The following UGT1A7 variants were observed in gnomAD, a reference collection of about 807,000 sequenced individuals.
UGT1A7 encodes the protein UDP glucuronosyltransferase family 1 member A7, also known as UDP-glucuronosyltransferase 1A7.
Under a neutral mutation model 45.6 loss-of-function variants are expected in UGT1A7, and 33 were observed. The observed-to-expected ratio is 0.72, with a 90% confidence interval of 0.55 to 0.97. The LOEUF (loss-of-function observed/expected upper bound fraction) is 0.97. Ranked by LOEUF, UGT1A7 falls within the 50% of genes least tolerant of loss-of-function variation. The probability of loss-of-function intolerance (pLI) is 0.00; values close to 1 mark genes in which losing one functional copy is unlikely to be tolerated. For missense variants in UGT1A7, 684 were observed against 666.2 expected, an observed-to-expected ratio of 1.03 and a Z score of -0.29; for synonymous variants, 274 against 250.6, an observed-to-expected ratio of 1.09 and a Z score of -0.88.
intron 1 of UGT1A7, among the ~76,000 whole-genome samples, chr2:233,694,315 T>C (rs74562873): frequency 6.6e-6 from 1 of 151,936 alleles, no homozygotes; most frequent in Non-Finnish European, 1.5e-5. Flanking sequence ...TTTTTTTTTT[T>C]CCTTTTATGT....
Position 233,769,484 on chromosome 2 carries a change from T to C in UGT1A7, c.1295+1045T>C, listed in dbSNP as rs774504306. 6.2e-6 allele frequency: 10 copies of C among 1,612,518 alleles called. No homozygotes were observed. The South Asian group carries it at 9.9e-5, about 16-fold the overall frequency. Reference sequence around the variant, plus strand: ...ATATGCGTGTGTGTGTGTGTGCGTGTGTTTATGAGAGTGTCCATTGCTTTC... The same window carrying C: ...ATATGCGTGTGTGTGTGTGTGCGTGCGTTTATGAGAGTGTCCATTGCTTTC... On this transcript the variant is annotated intron_variant, in intron 4 of 4. Coordinates refer to ENST00000373426, the MANE Select transcript of UGT1A7 (RefSeq NM_019077.3). This position sits in a 1 kb window ranked among gnomAD's most constrained non-coding sequence, Gnocchi z 4.4.
Position 233,772,634 on chromosome 2 carries a change from T to C in UGT1A7, c.*75T>C. On this transcript the variant is annotated 3_prime_UTR_variant, in exon 5 of 5. Transcript: ENST00000373426. ...CCAAACTTGAAAACAGAATCAGTGT[T>C]AAATTCATTTTATTCTTATTAAGGA... The C allele has an allele frequency of 6.4e-7, 1 of 1,555,940 alleles. No individual in the cohort carries two copies. The highest frequency in any genetic ancestry group is 2.4e-5 in the East Asian group (1 of 41,342).
chr2:233,726,396 T>C (rs1359821142), intron 1 of UGT1A7, among the ~76,000 whole-genome samples: 1 of 152,226 alleles, frequency 6.6e-6, no homozygotes, highest in Admixed American at 6.5e-5. Context: ...TCTCATAGTC[T>C]TTTGATGTCA....
intron 1 of UGT1A7, among the ~76,000 whole-genome samples, chr2:233,688,124 A>G (rs2074878809): frequency 6.6e-6 from 1 of 151,968 alleles, no homozygotes. Flanking sequence ...CTCAGCACTA[A>G]TTTACTTTCT....
At chr2:233,714,903 G>C (rs139111844) in intron 1 of UGT1A7, among the ~76,000 whole-genome samples, 10 of 136,076 alleles carry the variant, frequency 7.3e-5, no homozygotes, top group African/African-American at 2.4e-4. Context: ...TTGAGATGGA[G>C]TCTTGCTCTG....
At chr2:233,704,682 G>A (rs966560618) in intron 1 of UGT1A7, among the ~76,000 whole-genome samples, 2 of 152,060 alleles carry the variant, frequency 1.3e-5, no homozygotes, top group Non-Finnish European at 2.9e-5. Flanking sequence ...ATGGATCTGA[G>A]TTACCTTATG....
intron 1 of UGT1A7, chr2:233,693,450 C>G (rs767791458): frequency 1.2e-6 from 2 of 1,614,122 alleles, no homozygotes; most frequent in Non-Finnish European, 1.7e-6. Flanking sequence ...GCTCTTTTCA[C>G]AGACCCAGCC....
At position 233,768,294 on chromosome 2, in the gene UGT1A7, C is replaced by T. The variant is rs901936528; in HGVS notation, c.1150C>T (p.Pro384Ser). The T allele has an allele frequency of 2.5e-6, 4 of 1,614,146 alleles. No individual in the cohort carries two copies. Among genetic ancestry groups the T allele is most frequent in the Non-Finnish European group, 3.4e-6 (4 of 1,180,048 alleles). The change falls in exon 4 of 5, where the codon CCC becomes TCC. Residue 384 changes from proline to serine, a missense_variant. Physicochemically the swap from Pro to Ser is moderately conservative, Grantham distance 74. Transcript: ENST00000373426. ...TTATGAAAGCATATGCAATGGCGTTCCCATGGTGATGATGCCCTTGTTTGG... is the reference window on the plus strand; with the variant it reads ...TTATGAAAGCATATGCAATGGCGTTTCCATGGTGATGATGCCCTTGTTTGG... ...GVYESICNGV[P>S]MVMMPLFGDQ...
intron 1 of UGT1A7, among the ~76,000 whole-genome samples, chr2:233,706,095 A>T (rs2075888829): frequency 1.7e-5 from 2 of 120,396 alleles, no homozygotes; most frequent in Non-Finnish European, 3.6e-5. Context: ...ATTCTGTCTT[A>T]AAAAAAAACC....
intron 1 of UGT1A7, chr2:233,753,221 C>G (rs1559397626): frequency 6.6e-6 from 1 of 152,156 alleles, no homozygotes; most frequent in East Asian, 1.9e-4. Context: ...TATTTTGATA[C>G]TTCTTGTATA....
chr2:233,731,735 C>T (rs574748193), intron 1 of UGT1A7, among the ~76,000 whole-genome samples: 1 of 152,288 alleles, frequency 6.6e-6, no homozygotes, highest in East Asian at 1.9e-4. Flanking sequence ...AATAGTGCCA[C>T]AATAAACATA....
chr2:233,750,785 G>A (rs1694560373), intron 1 of UGT1A7: 1 of 151,946 alleles, frequency 6.6e-6, no homozygotes. Context: ...TGGGTACACA[G>A]AAGATAAGAA....
chr2:233,725,694 T>C (rs903551237), intron 1 of UGT1A7, among the ~76,000 whole-genome samples: 1 of 152,238 alleles, frequency 6.6e-6, no homozygotes, highest in African/African-American at 2.4e-5. Context: ...TCAATAGTCA[T>C]ATGTAGTTAG....
intron 1 of UGT1A7, among the ~76,000 whole-genome samples, chr2:233,757,812 T>C (rs772268398): frequency 4.0e-5 from 6 of 151,794 alleles, no homozygotes; most frequent in Non-Finnish European, 8.8e-5. Flanking sequence ...TGAAAGGAGC[T>C]GGTAGTGTGT....
intron 1 of UGT1A7, chr2:233,747,131 T>C: frequency 6.5e-7 from 1 of 1,533,260 alleles, no homozygotes; most frequent in Non-Finnish European, 8.8e-7. Flanking sequence ...AGTGGCTCAG[T>C]GACAAGGTAA....
intron 1 of UGT1A7, chr2:233,755,182 A>C (rs1337694117): frequency 1.7e-5 from 20 of 1,204,654 alleles, no homozygotes; most frequent in Non-Finnish European, 1.7e-5. Context: ...TCGGGGTGCC[A>C]CTTGAGCGCC....
At chr2:233,760,437 G>A (rs1351570136) in intron 1 of UGT1A7, 1 of 1,614,104 alleles carries the variant, frequency 6.2e-7, no homozygotes, top group East Asian at 2.2e-5. Flanking sequence ...TCCAGCAGCT[G>A]CAGCAGAGGG....
intron 1 of UGT1A7, chr2:233,742,938 A>G: frequency 4.7e-6 from 1 of 214,112 alleles, no homozygotes; most frequent in Admixed American, 5.3e-5. Context: ...ATTCTGTCCT[A>G]CCACTAGCAA....
chr2:233,709,457 A>G (rs1559356404), intron 1 of UGT1A7, among the ~76,000 whole-genome samples: 2 of 152,188 alleles, frequency 1.3e-5, no homozygotes, highest in East Asian at 1.9e-4. Flanking sequence ...TTTTAAAGCA[A>G]TCATTTTGGG....
Sources: allele counts gnomAD v4.1 joint callset (sites outside exome capture counted in the v4.1 genomes callset), GRCh38; gene constraint gnomAD v4.1.1; non-coding constraint Gnocchi (gnomAD v3.1); transcripts MANE v1.5; gene names NCBI Gene and HGNC (gene_info 2026-07-23, HGNC 2026-07-21).